Variants in KAZN observed in about 807,000 individuals in gnomAD.
KAZN encodes kazrin.
KAZN carries 40 observed loss-of-function variants against 87.4 expected under a neutral mutation model. The ratio of observed to expected loss-of-function variants is 0.46; its 90% CI spans 0.36 to 0.60. The LOEUF (loss-of-function observed/expected upper bound fraction) is 0.60, where lower values mean the gene tolerates loss of function less well. Among genes scored for constraint, KAZN ranks in the 20% least tolerant of loss-of-function variants. The probability of loss-of-function intolerance (pLI) is 0.00; values close to 1 mark genes in which losing one functional copy is unlikely to be tolerated. For missense variants in KAZN, 898 were observed against 1,073.9 expected (o/e 0.84, Z 2.29); for synonymous variants, 466 against 458.3 (o/e 1.02, Z -0.22).
chr1:14,201,935 T>C lies in KAZN; in HGVS notation c.249+21343T>C, dbSNP rs552714122. 5.3e-5 allele frequency among the ~76,000 whole-genome samples: 8 copies of C among 152,356 alleles called. No homozygotes were observed. The South Asian group carries it at 1.4e-3, about 28-fold the overall frequency. On this transcript the variant is annotated intron_variant, in intron 2 of 16. Transcript: ENST00000636203. Reference sequence around the variant, plus strand: ...CGCCTGCCTCGGCCTCCCAAAGTGCTGGGATTACAGGCGTGAGCCACTGCG... The same window carrying C: ...CGCCTGCCTCGGCCTCCCAAAGTGCCGGGATTACAGGCGTGAGCCACTGCG...
chr1:14,904,702 G>T (rs1398580097), intron 1 of KAZN, among the ~76,000 whole-genome samples: 1 of 152,196 alleles, frequency 6.6e-6, no homozygotes, highest in Non-Finnish European at 1.5e-5. Flanking sequence ...TGTGCCACTG[G>T]CCCCAAAGCC....
intron 1 of KAZN, among the ~76,000 whole-genome samples, chr1:14,618,753 C>G (rs575442708): frequency 6.6e-6 from 1 of 152,288 alleles, no homozygotes; most frequent in African/African-American, 2.4e-5. Context: ...TCTTTTGTCC[C>G]AAACCATATA....
At chr1:13,906,083 C>T (rs1639426932) in intron 1 of KAZN, among the ~76,000 whole-genome samples, 1 of 152,122 alleles carries the variant, frequency 6.6e-6, no homozygotes, top group Admixed American at 6.6e-5. Context: ...GGATAATCTC[C>T]CCATTACTAG....
intron 2 of KAZN, among the ~76,000 whole-genome samples, chr1:14,332,710 TTCTA>T (rs141696624): frequency 1.4e-4 from 21 of 152,276 alleles, no homozygotes; most frequent in African/African-American, 4.6e-4. Flanking sequence ...ATCTGCCAGT[TTCTA>T]TCTGTTTGGC....
intron 1 of KAZN, among the ~76,000 whole-genome samples, chr1:14,022,212 A>G (rs1640861329): frequency 6.6e-6 from 1 of 151,992 alleles, no homozygotes; most frequent in Non-Finnish European, 1.5e-5. Context: ...TTCTTTATAC[A>G]TGACAAAAAT....
In KAZN at chr1:13,903,870, G is replaced by A. The variant is rs533967414; in HGVS notation, c.91+10114G>A. 8.9e-4 allele frequency among the ~76,000 whole-genome samples: 135 copies of A among 152,282 alleles called. 2 individuals are homozygous for A. The highest frequency in any genetic ancestry group is 3.2e-4 in the Non-Finnish European group (22 of 68,016). ...GAAGTTTTGACCTTGATTCCATGGT[G>A]AGAAGTGAATCTGAAAAGGAATGTA... On this transcript the variant is annotated intron_variant, in intron 1 of 16. Transcript: ENST00000636203.
At chr1:13,893,725 C>G (rs1638924688) in exon 1 of KAZN, 1 of 1,550,420 alleles carries the variant, frequency 6.4e-7, no homozygotes, top group Non-Finnish European at 8.7e-7. Flanking sequence ...TCTCCCACGT[C>G]TTTGGTCAGC....
chr1:14,411,816 GTAATA>G (rs1230473534), intron 2 of KAZN, among the ~76,000 whole-genome samples: 137 of 152,280 alleles, frequency 9.0e-4, no homozygotes, highest in African/African-American at 3.2e-3. Context: ...ATACCAGACA[GTAATA>G]ACACGTAACA....
intron 1 of KAZN, among the ~76,000 whole-genome samples, chr1:14,127,905 T>C (rs1401567717): frequency 6.6e-6 from 1 of 152,070 alleles, no homozygotes; most frequent in Non-Finnish European, 1.5e-5. Flanking sequence ...GGGAATGTTG[T>C]GAGGTCCCTG....
chr1:14,816,615 A>T (rs544075496), intron 1 of KAZN, among the ~76,000 whole-genome samples: 1 of 152,326 alleles, frequency 6.6e-6, no homozygotes, highest in South Asian at 2.1e-4. Flanking sequence ...GTAAATAGAT[A>T]GACAGACAGA....
intron 2 of KAZN, among the ~76,000 whole-genome samples, chr1:14,375,792 G>A (rs1002828958): frequency 1.3e-5 from 2 of 152,158 alleles, no homozygotes; most frequent in Non-Finnish European, 2.9e-5. Context: ...GGAGGCTGAG[G>A]CAGGAGAATG....
rs58491688 is a variant in KAZN at position 14,373,198 on chromosome 1, A to AATAT, written c.249+192631_249+192634dup. On this transcript the variant is annotated intron_variant, in intron 2 of 16. Coordinates refer to the KAZN transcript ENST00000636203. ...TTGTTAGGGTTCTCCTGAAAAACTG[A>AATAT]ATATATATATATATATATATATATA... Among the ~76,000 whole-genome samples, 782 of 149,218 alleles carry AATAT rather than the reference A, an allele frequency of 5.2e-3. 8 individuals are homozygous for AATAT. The highest frequency in any genetic ancestry group is 0.016 in the African/African-American group (659 of 40,058).
intron 2 of KAZN, among the ~76,000 whole-genome samples, chr1:14,212,031 T>C (rs968936324): frequency 2.0e-5 from 3 of 152,192 alleles, no homozygotes; most frequent in Non-Finnish European, 2.9e-5. Flanking sequence ...TCTGGTTTTC[T>C]CTTGTGTGTG....
At chr1:14,973,087 C>T (rs1219534903) in intron 2 of KAZN, among the ~76,000 whole-genome samples, 1 of 152,120 alleles carries the variant, frequency 6.6e-6, no homozygotes, top group Non-Finnish European at 1.5e-5. Flanking sequence ...GCTCCAAGAT[C>T]GTACAGCATG....
In KAZN at chr1:14,546,196, T is replaced by G. The variant is rs78073476; in HGVS notation, c.250-52787T>G. On this transcript the variant is annotated intron_variant, in intron 2 of 16. Coordinates refer to the KAZN transcript ENST00000636203. ...GCATATTTTCTCTGCCTACCACAAT[T>G]ATTCTTTCCAACTACGATATTCTCT... 9.6e-3 allele frequency among the ~76,000 whole-genome samples: 1,459 copies of G among 152,308 alleles called. 12 individuals carry two copies. The highest frequency in any genetic ancestry group is 0.014 in the Non-Finnish European group (926 of 68,014).
intron 2 of KAZN, among the ~76,000 whole-genome samples, chr1:14,483,180 A>G (rs930771568): frequency 6.6e-6 from 1 of 152,194 alleles, no homozygotes; most frequent in Non-Finnish European, 1.5e-5. Flanking sequence ...TCTTCCAACA[A>G]TAAAACCCAT....
intron 1 of KAZN, among the ~76,000 whole-genome samples, chr1:14,115,362 G>A (rs1380847456): frequency 6.6e-6 from 1 of 152,200 alleles, no homozygotes; most frequent in Non-Finnish European, 1.5e-5. Flanking sequence ...CACATGTTGT[G>A]GGAGGGACCC....
chr1:14,436,338 G>C (rs961249495), intron 2 of KAZN, among the ~76,000 whole-genome samples: 1 of 151,856 alleles, frequency 6.6e-6, no homozygotes, highest in Non-Finnish European at 1.5e-5. Flanking sequence ...TGAGGATGAT[G>C]ATGATGACCA....
intron 2 of KAZN, among the ~76,000 whole-genome samples, chr1:14,525,094 A>T (rs1380738097): frequency 6.6e-6 from 1 of 152,232 alleles, no homozygotes; most frequent in Non-Finnish European, 1.5e-5. Flanking sequence ...CAGATGACAC[A>T]TGGACATATG....
Sources: gnomAD v4.1 joint callset for allele counts (sites outside exome capture counted in the v4.1 genomes callset) on GRCh38, gnomAD v4.1.1 for gene constraint, MANE v1.5 for transcripts, NCBI Gene and HGNC (gene_info 2026-07-23, HGNC 2026-07-21) for gene names.